Variants in FMNL2 observed in about 807,000 individuals in gnomAD.
FMNL2 encodes the protein formin-like protein 2.
A neutral mutation model predicts 130.2 loss-of-function variants in FMNL2; 51 were observed. That is an observed-to-expected ratio of 0.39 (90% CI 0.31 to 0.49). The LOEUF is 0.49. Ranked by LOEUF, FMNL2 falls within the 20% of genes least tolerant of loss-of-function variation. The probability of loss-of-function intolerance (pLI) is 0.85; values close to 1 mark genes in which losing one functional copy is unlikely to be tolerated. For synonymous variants in FMNL2, 465 were observed against 467.1 expected (o/e 1.00, Z 0.06); for missense variants, 977 against 1,316.2 (o/e 0.74, Z 3.99).
chr2:152,647,215 G>A (rs2105995033), intron 25 of FMNL2, among the ~76,000 whole-genome samples: 1 of 152,070 alleles, frequency 6.6e-6, no homozygotes. Flanking sequence ...AGGATGCCAG[G>A]GAATAGATTA....
chr2:152,413,921 C>CT (rs1371768766), intron 1 of FMNL2, among the ~76,000 whole-genome samples: 2 of 152,170 alleles, frequency 1.3e-5, no homozygotes, highest in Non-Finnish European at 2.9e-5. Context: ...CTCTTGCATG[C>CT]TTTTTGTGAT....
rs1158851329 is a variant in FMNL2 at position 152,640,685 on chromosome 2, T to G, written c.3046-106T>G. 4.4e-6 allele frequency: 6 copies of G among 1,368,946 alleles called. No homozygotes were observed. The South Asian group carries it at 5.8e-5, about 13-fold the overall frequency. The allele number at this position is 1,368,946 out of a possible 1,614,324, so 84.8% of individuals were successfully genotyped here. A position where few individuals can be genotyped will look rare whatever the true frequency, so the allele number is the denominator to read the frequency against. On this transcript the variant is annotated intron_variant, in intron 24 of 25. Transcript: ENST00000288670. ...AGAATGTGGGATGTGTGTGTGTTTT[T>G]GGCCGAAGCTGCTTATTAGTAACAT...
At chr2:152,497,717 A>C (rs1341935030) in intron 1 of FMNL2, among the ~76,000 whole-genome samples, 1 of 152,224 alleles carries the variant, frequency 6.6e-6, no homozygotes, top group Non-Finnish European at 1.5e-5. Context: ...AATTGCCACA[A>C]ACTTAGTGGC....
Position 152,501,689 on chromosome 2 carries a change from G to A in FMNL2, c.118-20254G>A, listed in dbSNP as rs571445138. Among the ~76,000 whole-genome samples the A allele has an allele frequency of 5.0e-3, 765 of 151,860 alleles. 12 individuals carry two copies. The highest frequency in any genetic ancestry group is 0.048 in the South Asian group (229 of 4,806). On this transcript the variant is annotated intron_variant, in intron 1 of 25. Transcript: ENST00000288670. ...AAGTAAAGATATTCTGTTTCCATCT[G>A]TGTAAATTTGCGTGACTTTTTTTTT...
chr2:152,642,712 A>T (rs1311459328), intron 25 of FMNL2, among the ~76,000 whole-genome samples: 1 of 152,222 alleles, frequency 6.6e-6, no homozygotes, highest in Admixed American at 6.5e-5. Context: ...CTCATTAAGA[A>T]CTTGGAGTTC....
chr2:152,558,179 A>C (rs1695330521), intron 4 of FMNL2, among the ~76,000 whole-genome samples: 1 of 152,204 alleles, frequency 6.6e-6, no homozygotes, highest in African/African-American at 2.4e-5. Context: ...GCTTTTTAAA[A>C]AGGTTTTAAC....
chr2:152,540,545 G>A (rs1027650089), intron 2 of FMNL2, among the ~76,000 whole-genome samples: 4 of 152,034 alleles, frequency 2.6e-5, no homozygotes, highest in East Asian at 1.9e-4. Flanking sequence ...ATTAATAGGT[G>A]TCCTACTACA....
At chr2:152,624,564 C>T (rs1467618239) in intron 15 of FMNL2, among the ~76,000 whole-genome samples, 1 of 151,782 alleles carries the variant, frequency 6.6e-6, no homozygotes. Flanking sequence ...TTAGGCTGGG[C>T]AAGATGGCTC....
At chr2:152,426,269 G>T (rs1263844368) in intron 1 of FMNL2, among the ~76,000 whole-genome samples, 1 of 152,176 alleles carries the variant, frequency 6.6e-6, no homozygotes, top group Non-Finnish European at 1.5e-5. Flanking sequence ...AGGAATAACA[G>T]CTGTTATTAG....
chr2:152,624,469 C>T (rs1053760867), intron 15 of FMNL2, among the ~76,000 whole-genome samples: 1 of 151,984 alleles, frequency 6.6e-6, no homozygotes, highest in African/African-American at 2.4e-5. Context: ...TTCCTTCCCC[C>T]CCGCCCCTTT....
chr2:152,472,831 G>C (rs1266528529), intron 1 of FMNL2, among the ~76,000 whole-genome samples: 1 of 152,184 alleles, frequency 6.6e-6, no homozygotes, highest in East Asian at 1.9e-4. Context: ...CTGTAAAGTG[G>C]TGCAAATGAT....
chr2:152,580,426 T>G (rs1214893972), intron 8 of FMNL2, among the ~76,000 whole-genome samples: 1 of 152,218 alleles, frequency 6.6e-6, no homozygotes, highest in East Asian at 1.9e-4. Context: ...TTGTCCTGCG[T>G]AGGAAGAAGA....
At chr2:152,365,313 G>GT (rs1683452131) in intron 1 of FMNL2, among the ~76,000 whole-genome samples, 1 of 152,130 alleles carries the variant, frequency 6.6e-6, no homozygotes, top group African/African-American at 2.4e-5. Flanking sequence ...GGAAAGGCAC[G>GT]GTGGTATGGT....
chr2:152,451,467 C>T (rs1256823173), intron 1 of FMNL2, among the ~76,000 whole-genome samples: 1 of 152,010 alleles, frequency 6.6e-6, no homozygotes, highest in Non-Finnish European at 1.5e-5. Context: ...ATTTCTGACA[C>T]TTCTTCAGCT....
chr2:152,645,402 A>G (rs2105985752), intron 25 of FMNL2: 2 of 1,223,828 alleles, frequency 1.6e-6, no homozygotes, highest in Non-Finnish European at 2.1e-6. Context: ...TTTCTTAACC[A>G]TCATTTTGTG....
intron 1 of FMNL2, among the ~76,000 whole-genome samples, chr2:152,508,697 A>G (rs1324322376): frequency 6.6e-6 from 1 of 152,172 alleles, no homozygotes; most frequent in Non-Finnish European, 1.5e-5. Flanking sequence ...CTTTGTAGGA[A>G]AGAGAAAAGT....
At chr2:152,548,331 T>C (rs1317642112) in intron 3 of FMNL2, among the ~76,000 whole-genome samples, 1 of 152,204 alleles carries the variant, frequency 6.6e-6, no homozygotes, top group Non-Finnish European at 1.5e-5. Flanking sequence ...AACTTGTGTT[T>C]GACGGGGGAA....
At chr2:152,405,288 T>A (rs928528713) in intron 1 of FMNL2, among the ~76,000 whole-genome samples, 3 of 152,228 alleles carry the variant, frequency 2.0e-5, no homozygotes, top group Non-Finnish European at 4.4e-5. Context: ...TCAACGCATC[T>A]TCCTTTCTGG....
intron 1 of FMNL2, among the ~76,000 whole-genome samples, chr2:152,496,937 GA>G (rs1691547788): frequency 6.6e-6 from 1 of 151,720 alleles, no homozygotes; most frequent in Non-Finnish European, 1.5e-5. Flanking sequence ...TCCAGCCCTG[GA>G]ATCAGTCATT....
Sources: allele counts gnomAD v4.1 joint callset (sites outside exome capture counted in the v4.1 genomes callset), GRCh38; gene constraint gnomAD v4.1.1; transcripts MANE v1.5; gene names NCBI Gene and HGNC (gene_info 2026-07-23, HGNC 2026-07-21).